Variants in NSMCE2 observed in about 807,000 individuals in gnomAD.
NSMCE2 encodes NSE2 SUMO ligase component of SMC5/6 complex, also known as E3 SUMO-protein ligase NSE2.
A neutral mutation model predicts 23.8 loss-of-function variants in NSMCE2; 24 were observed. The observed-to-expected ratio is 1.01, with a 90% CI of 0.73 to 1.42. The LOEUF (loss-of-function observed/expected upper bound fraction) is 1.42, where lower values mean the gene tolerates loss of function less well. NSMCE2 is among the 40% of genes most tolerant of loss of function. NSMCE2 has a pLI of 0.00. For missense variants in NSMCE2, 284 were observed against 296.5 expected (o/e 0.96, Z 0.31); for synonymous variants, 92 against 94.1 (o/e 0.98, Z 0.13).
chr8:125,166,015 T>G (rs1431294480), intron 4 of NSMCE2, among the ~76,000 whole-genome samples: 10 of 152,242 alleles, frequency 6.6e-5, no homozygotes, highest in African/African-American at 2.2e-4. Flanking sequence ...TCATAATCTT[T>G]ATTGTGTTGG....
chr8:125,261,734 AT>A (rs1467421771), intron 5 of NSMCE2, among the ~76,000 whole-genome samples: 1 of 151,648 alleles, frequency 6.6e-6, no homozygotes, highest in Non-Finnish European at 1.5e-5. Flanking sequence ...AAAGCTAATC[AT>A]GTAAAGAAGT....
intron 5 of NSMCE2, among the ~76,000 whole-genome samples, chr8:125,227,475 C>G (rs937495124): frequency 1.3e-5 from 2 of 152,200 alleles, no homozygotes; most frequent in Admixed American, 6.5e-5. Flanking sequence ...ATGTTTCTTT[C>G]CTTTACTTTC....
At chr8:125,300,802 C>T (rs1828530843) in intron 5 of NSMCE2, among the ~76,000 whole-genome samples, 1 of 152,078 alleles carries the variant, frequency 6.6e-6, no homozygotes, top group African/African-American at 2.4e-5. Flanking sequence ...AGGGGCTGGT[C>T]TGCAAAGGCT....
At chr8:125,102,521 T>G (rs1363291123) in intron 3 of NSMCE2, 34 bp downstream of exon 3, 1 of 1,564,516 alleles carries the variant, frequency 6.4e-7, no homozygotes. Flanking sequence ...TGTGTCTACT[T>G]TGAGGTAACA....
chr8:125,093,509 C>T (rs1172390657), intron 1 of NSMCE2, among the ~76,000 whole-genome samples: 1 of 151,654 alleles, frequency 6.6e-6, no homozygotes, highest in South Asian at 2.1e-4. Context: ...GTCAACATAG[C>T]GAAACCCTCT....
intron 5 of NSMCE2, among the ~76,000 whole-genome samples, chr8:125,232,522 T>C (rs1445337079): frequency 6.6e-6 from 1 of 152,228 alleles, no homozygotes; most frequent in Non-Finnish European, 1.5e-5. Context: ...ATTACCATAC[T>C]ATTAATAGTA....
intron 5 of NSMCE2, among the ~76,000 whole-genome samples, chr8:125,258,224 G>A (rs925057796): frequency 6.6e-6 from 1 of 152,194 alleles, no homozygotes. Context: ...AGATAAGTTT[G>A]TTCACTGAGG....
At chr8:125,140,590 A>G (rs962172340) in intron 3 of NSMCE2, among the ~76,000 whole-genome samples, 1 of 151,986 alleles carries the variant, frequency 6.6e-6, no homozygotes, top group Non-Finnish European at 1.5e-5. Flanking sequence ...AAGAGGTTGC[A>G]GTGAGCCGAG....
chr8:125,183,939 A>G (rs1822954197), intron 5 of NSMCE2, among the ~76,000 whole-genome samples: 1 of 152,100 alleles, frequency 6.6e-6, no homozygotes, highest in African/African-American at 2.4e-5. Flanking sequence ...AATATTTTGA[A>G]CTAATATATG....
chr8:125,201,015 C>G (rs1181300698), intron 5 of NSMCE2, among the ~76,000 whole-genome samples: 1 of 152,160 alleles, frequency 6.6e-6, no homozygotes, highest in Non-Finnish European at 1.5e-5. Flanking sequence ...GTTTTCAGCT[C>G]TATCAATTCA....
intron 3 of NSMCE2, among the ~76,000 whole-genome samples, chr8:125,124,875 G>C (rs1484002973): frequency 5.3e-5 from 8 of 151,980 alleles, no homozygotes; most frequent in African/African-American, 9.6e-5. Context: ...GCTCACTGCA[G>C]CCTCCACCTC....
At chr8:125,140,640 C>T (rs1295349596) in intron 3 of NSMCE2, among the ~76,000 whole-genome samples, 1 of 151,688 alleles carries the variant, frequency 6.6e-6, no homozygotes, top group Non-Finnish European at 1.5e-5. Context: ...TGGAGTGAGA[C>T]TCCATCTCAA....
At chr8:125,305,323 G>A (rs1377846472) in intron 5 of NSMCE2, among the ~76,000 whole-genome samples, 1 of 152,186 alleles carries the variant, frequency 6.6e-6, no homozygotes, top group East Asian at 1.9e-4. Context: ...GGAGCCCAGT[G>A]TCATATAGCT....
chr8:125,221,982 T>G (rs1397432662), intron 5 of NSMCE2, among the ~76,000 whole-genome samples: 1 of 152,162 alleles, frequency 6.6e-6, no homozygotes, highest in East Asian at 1.9e-4. Flanking sequence ...AAATCAGAAT[T>G]TATATTATAA....
chr8:125,357,456 T>A (rs1813331072), intron 6 of NSMCE2, 137 bp downstream of exon 6: 1 of 686,658 alleles, frequency 1.5e-6, no homozygotes, highest in East Asian at 2.7e-5. Context: ...GGTTGAAGAG[T>A]ATCCACGGGA....
At chr8:125,150,620 G>A (rs1256336350) in intron 3 of NSMCE2, among the ~76,000 whole-genome samples, 1 of 151,706 alleles carries the variant, frequency 6.6e-6, no homozygotes, top group Non-Finnish European at 1.5e-5. Context: ...GACCTCAAGT[G>A]ATCTGCCTGC....
chr8:125,177,485 AC>A (rs1259603609), intron 4 of NSMCE2, among the ~76,000 whole-genome samples: 2 of 152,166 alleles, frequency 1.3e-5, no homozygotes, highest in African/African-American at 2.4e-5. Context: ...AACTCTGTTA[AC>A]CCCTTTTCTC....
intron 3 of NSMCE2, among the ~76,000 whole-genome samples, chr8:125,119,274 A>G (rs1459322754): frequency 6.6e-6 from 1 of 152,128 alleles, no homozygotes; most frequent in Non-Finnish European, 1.5e-5. Context: ...TCTCCACATG[A>G]TGGCGTGTGT....
At chr8:125,187,036 G>C (rs1217823989) in intron 5 of NSMCE2, among the ~76,000 whole-genome samples, 2 of 152,110 alleles carry the variant, frequency 1.3e-5, no homozygotes, top group African/African-American at 4.8e-5. Context: ...TTACATCTCA[G>C]GGTCATTACC....
Sources: gnomAD v4.1 joint callset for allele counts (sites outside exome capture counted in the v4.1 genomes callset) on GRCh38, gnomAD v4.1.1 for gene constraint, MANE v1.5 for transcripts, NCBI Gene and HGNC (gene_info 2026-07-23, HGNC 2026-07-21) for gene names.